The following PSMB2 variants were observed in gnomAD, a reference collection of about 807,000 sequenced individuals.
The protein encoded by PSMB2 is proteasome subunit beta type-2.
In PSMB2, 13 loss-of-function variants were observed where a neutral mutation model predicts 25.7. The ratio of observed to expected loss-of-function variants is 0.51; its 90% confidence interval spans 0.33 to 0.80. The LOEUF (loss-of-function observed/expected upper bound fraction) is 0.80. Ranked by LOEUF, PSMB2 falls within the 30% of genes least tolerant of loss-of-function variation. The pLI is 0.02. For synonymous variants in PSMB2, 87 were observed against 96.2 expected, an observed-to-expected ratio of 0.90 and a Z score of 0.56; for missense variants, 202 against 259.0, an observed-to-expected ratio of 0.78 and a Z score of 1.51.
At chr1:35,640,236 T>C (rs1256271603) in intron 1 of PSMB2, among the ~76,000 whole-genome samples, 1 of 152,198 alleles carries the variant, frequency 6.6e-6, no homozygotes, top group Non-Finnish European at 1.5e-5. Flanking sequence ...TCAGATGACT[T>C]AATGGTCATT....
intron 3 of PSMB2, 96 bp downstream of exon 3, chr1:35,631,178 A>C: frequency 1.5e-6 from 2 of 1,359,310 alleles, no homozygotes; most frequent in Non-Finnish European, 2.1e-6. Flanking sequence ...TGGAAGGCCA[A>C]AAAAGGGCAA....
intron 2 of PSMB2, among the ~76,000 whole-genome samples, chr1:35,635,717 T>C (rs1651226514): frequency 6.7e-6 from 1 of 149,892 alleles, no homozygotes. Context: ...TAGTCCCAGC[T>C]ACTCAGGAGG....
chr1:35,611,827 CA>C lies in PSMB2; in HGVS notation c.286-2420del, dbSNP rs956758517. 1.2e-3 allele frequency among the ~76,000 whole-genome samples: 174 copies of C among 140,244 alleles called. No homozygotes were observed. In the Middle Eastern group the frequency reaches 0.021, roughly 17 times the overall value. The allele number at this position is 140,244 out of a possible 152,430, so 92.0% of individuals were successfully genotyped here. ...GGGCAATAGAGCAAGACTCTATCTCCAAAAAAAAAAGGAGAGAGAGAGAGAG... is the reference window on the plus strand; with the variant it reads ...GGGCAATAGAGCAAGACTCTATCTCCAAAAAAAAAGGAGAGAGAGAGAGAG... On this transcript the variant is annotated intron_variant, in intron 3 of 5. Transcript: ENST00000373237.
rs148018778 is a variant in PSMB2, at chr1:35,615,620, A to G, written c.286-6212T>C. On this transcript the variant is annotated intron_variant, in intron 3 of 5. Transcript: ENST00000373237. Reference sequence around the variant, plus strand: ...AGCGGTGTGACATCTGGCGGAAGCTAAAGTCACAGCAAGGGGGAGAGAGGT... The same window carrying G: ...AGCGGTGTGACATCTGGCGGAAGCTGAAGTCACAGCAAGGGGGAGAGAGGT... 3.3e-5 allele frequency among the ~76,000 whole-genome samples: 5 copies of G among 152,350 alleles called. No individual in the cohort carries two copies. The East Asian group carries it at 9.6e-4, about 29-fold the overall frequency.
intron 3 of PSMB2, among the ~76,000 whole-genome samples, chr1:35,624,265 C>T (rs546990100): frequency 6.6e-6 from 1 of 152,264 alleles, no homozygotes; most frequent in East Asian, 1.9e-4. Context: ...ACCCTAAAAA[C>T]CATCCAATCA....
At chr1:35,635,307 A>G (rs946361582) in intron 2 of PSMB2, among the ~76,000 whole-genome samples, 2 of 150,858 alleles carry the variant, frequency 1.3e-5, no homozygotes, top group African/African-American at 2.4e-5. Flanking sequence ...AGGTGTCACT[A>G]CATTGCTCAG....
In PSMB2 at chr1:35,641,347, T is replaced by C. The variant is rs993976933; in HGVS notation, c.86A>G (p.Lys29Arg). The stretch of plus-strand genomic sequence containing the variant: ...CCTCCCCTGCTTCCTCTCACCGTCC[T>C]TCATCTGGACAATATTGCTGGCGGC... The part of the protein sequence containing the change: ...RVAASNIVQM[K>R]DDHDKMFKMS... The change falls in exon 1 of 6, where the codon AAG becomes AGG. Residue 29 changes from lysine (K) to arginine (R), a missense_variant. By Grantham distance (26) the Lys-to-Arg change is conservative. Transcript: ENST00000373237. 1.2e-5 allele frequency: 19 copies of C among 1,613,964 alleles called. No homozygotes were observed. The highest frequency in any genetic ancestry group is 1.6e-5 in the Non-Finnish European group (19 of 1,180,018).
At chr1:35,622,104 C>T (rs1650706072) in intron 3 of PSMB2, among the ~76,000 whole-genome samples, 1 of 152,176 alleles carries the variant, frequency 6.6e-6, no homozygotes, top group Non-Finnish European at 1.5e-5. Context: ...CCACCTTTCC[C>T]CTTGTGAAAA....
At chr1:35,605,071 A>G (rs1360741722) in intron 5 of PSMB2, among the ~76,000 whole-genome samples, 162 bp downstream of exon 5, 2 of 152,224 alleles carry the variant, frequency 1.3e-5, no homozygotes, top group African/African-American at 2.4e-5. Context: ...TGAGCTTGCT[A>G]TCCACACCAA....
chr1:35,629,166 T>C (rs1362085559), intron 3 of PSMB2, among the ~76,000 whole-genome samples: 3 of 152,234 alleles, frequency 2.0e-5, no homozygotes, highest in African/African-American at 7.2e-5. Context: ...AAAAGTCACA[T>C]GAATGTTAAA....
intron 1 of PSMB2, among the ~76,000 whole-genome samples, chr1:35,640,548 G>T (rs1651364813): frequency 1.3e-5 from 2 of 152,162 alleles, no homozygotes; most frequent in Admixed American, 1.3e-4. Flanking sequence ...GAAGGAAAAT[G>T]CCAAGCTTCT....
In PSMB2 at chr1:35,602,874, A is replaced by G. The variant is rs572888277; in HGVS notation, c.*393T>C. On this transcript the variant is annotated 3_prime_UTR_variant, in exon 6 of 6. Transcript: ENST00000373237. ...AGTGCATGTATTATTAATTCAGGTTAATTAATTTAAAAATTTAAGTTTAAG... is the reference window on the plus strand; with the variant it reads ...AGTGCATGTATTATTAATTCAGGTTGATTAATTTAAAAATTTAAGTTTAAG... The G allele has an allele frequency of 3.2e-6, 3 of 925,994 alleles. No homozygotes were observed. In the East Asian group the frequency reaches 3.3e-4, roughly 103 times the overall value. 57.4% of individuals were successfully genotyped at this position (925,994 alleles called of 1,614,324 possible). A position where few individuals can be genotyped will look rare whatever the true frequency, so the allele number is the denominator to read the frequency against.
chr1:35,605,932 C>A (rs1173394153), intron 4 of PSMB2, among the ~76,000 whole-genome samples: 1 of 152,172 alleles, frequency 6.6e-6, no homozygotes, highest in African/African-American at 2.4e-5. Flanking sequence ...CAGGCTAATT[C>A]TTTTCAGGAT....
intron 3 of PSMB2, among the ~76,000 whole-genome samples, chr1:35,612,685 T>C (rs1325625177): frequency 6.6e-6 from 1 of 152,218 alleles, no homozygotes. Context: ...GTCTTTTACC[T>C]ATCACAAAGT....
intron 3 of PSMB2, among the ~76,000 whole-genome samples, chr1:35,623,942 T>C (rs1231141527): frequency 1.3e-5 from 2 of 152,232 alleles, no homozygotes; most frequent in Admixed American, 6.5e-5. Flanking sequence ...AAACAGATGA[T>C]GCCTTTGTGC....
intron 2 of PSMB2, among the ~76,000 whole-genome samples, chr1:35,635,647 G>A (rs1475911597): frequency 6.6e-6 from 1 of 151,924 alleles, no homozygotes; most frequent in Non-Finnish European, 1.5e-5. Flanking sequence ...TGGTCAACGT[G>A]GTGAAACCCT....
chr1:35,641,257 C>T (rs551927503), intron 1 of PSMB2, 85 bp downstream of exon 1: 5 of 1,541,088 alleles, frequency 3.2e-6, no homozygotes, highest in African/African-American at 1.4e-5. Flanking sequence ...TCAGATCCTC[C>T]CTGGTACTTA....
chr1:35,639,122 C>T (rs1234972278), intron 1 of PSMB2, among the ~76,000 whole-genome samples: 4 of 152,004 alleles, frequency 2.6e-5, no homozygotes, highest in Non-Finnish European at 5.9e-5. Flanking sequence ...GGCATGGTGA[C>T]GGGCGCCTGT....
At chr1:35,612,783 T>C (rs1323284770) in intron 3 of PSMB2, among the ~76,000 whole-genome samples, 1 of 152,216 alleles carries the variant, frequency 6.6e-6, no homozygotes, top group Non-Finnish European at 1.5e-5. Context: ...CAAGACAATT[T>C]CATCAAGTTG....
Sources: allele counts gnomAD v4.1 joint callset (sites outside exome capture counted in the v4.1 genomes callset), GRCh38; gene constraint gnomAD v4.1.1; transcripts MANE v1.5; gene names NCBI Gene and HGNC (gene_info 2026-07-23, HGNC 2026-07-21).